CDH4: variants seen among roughly 807,000 people sequenced by gnomAD.
CDH4 encodes cadherin 4.
A neutral mutation model predicts 86.0 loss-of-function variants in CDH4; 33 were observed. The ratio of observed to expected loss-of-function variants is 0.38; its 90% confidence interval spans 0.29 to 0.51. The LOEUF (loss-of-function observed/expected upper bound fraction) is 0.51, where lower values mean the gene tolerates loss of function less well. CDH4 is among the 20% of genes least tolerant of loss of function. CDH4 has a pLI of 0.86. For missense variants in CDH4, 1,114 were observed against 1,307.4 expected (o/e 0.85, Z 2.28); for synonymous variants, 555 against 549.4 (o/e 1.01, Z -0.14).
intron 2 of CDH4, among the ~76,000 whole-genome samples, chr20:61,266,356 G>A (rs2084158173): frequency 6.6e-6 from 1 of 152,098 alleles, no homozygotes; most frequent in African/African-American, 2.4e-5. Flanking sequence ...GGAGAAGGCA[G>A]AGGAGAAAGG....
intron 2 of CDH4, among the ~76,000 whole-genome samples, chr20:61,340,475 C>T (rs564115111): frequency 6.6e-6 from 1 of 152,294 alleles, no homozygotes; most frequent in African/African-American, 2.4e-5. Context: ...CTTGGACTTT[C>T]CAAATAGGAT....
intron 2 of CDH4, among the ~76,000 whole-genome samples, chr20:61,296,353 G>T (rs2084354706): frequency 6.6e-6 from 1 of 151,538 alleles, no homozygotes; most frequent in Non-Finnish European, 1.5e-5. Flanking sequence ...GAGAGAGATC[G>T]ATCTACTACC....
At chr20:61,449,379 C>T (rs372122187) in intron 2 of CDH4, among the ~76,000 whole-genome samples, 34 of 152,338 alleles carry the variant, frequency 2.2e-4, no homozygotes, top group African/African-American at 6.7e-4. Flanking sequence ...AAGCTCTGTG[C>T]AAAGGCTAGC....
At chr20:61,741,800 A>C (rs1396756969) in intron 2 of CDH4, among the ~76,000 whole-genome samples, 1 of 152,070 alleles carries the variant, frequency 6.6e-6, no homozygotes, top group African/African-American at 2.4e-5. Flanking sequence ...AGCCTCCCAA[A>C]GTGCTGAGAT....
At chr20:61,786,337 G>T (rs1019107928) in intron 4 of CDH4, among the ~76,000 whole-genome samples, 1 of 152,080 alleles carries the variant, frequency 6.6e-6, no homozygotes, top group Non-Finnish European at 1.5e-5. Context: ...AGATGAACAC[G>T]ATCGCCCTGC....
intron 2 of CDH4, among the ~76,000 whole-genome samples, chr20:61,365,937 G>C (rs1414829242): frequency 3.9e-5 from 6 of 152,196 alleles, no homozygotes; most frequent in Admixed American, 3.9e-4. Context: ...CCTTTCTAAA[G>C]AGGATGCATG....
At chr20:61,593,869 T>TC (rs1232195771) in intron 2 of CDH4, among the ~76,000 whole-genome samples, 1 of 150,332 alleles carries the variant, frequency 6.7e-6, no homozygotes, top group Non-Finnish European at 1.5e-5. Flanking sequence ...TCACCAAGGG[T>TC]CCCCCCAGCA....
intron 2 of CDH4, among the ~76,000 whole-genome samples, chr20:61,688,963 T>C (rs989001407): frequency 6.6e-6 from 1 of 152,216 alleles, no homozygotes; most frequent in Non-Finnish European, 1.5e-5. Context: ...GTATCCTGTA[T>C]TTTATTCTTT....
chr20:61,649,574 C>T (rs914483310), intron 2 of CDH4, among the ~76,000 whole-genome samples: 3 of 152,252 alleles, frequency 2.0e-5, no homozygotes, highest in Non-Finnish European at 2.9e-5. Flanking sequence ...TCAAGGAGCC[C>T]GGCACTGATG....
chr20:61,755,457 A>T (rs552299510), intron 3 of CDH4, among the ~76,000 whole-genome samples: 29 of 137,840 alleles, frequency 2.1e-4, no homozygotes, highest in Admixed American at 1.3e-3. Flanking sequence ...CACCCCGTAC[A>T]CACCACACAC....
chr20:61,303,878 TG>T (rs1222517477), intron 2 of CDH4, among the ~76,000 whole-genome samples: 1 of 152,198 alleles, frequency 6.6e-6, no homozygotes, highest in Non-Finnish European at 1.5e-5. Flanking sequence ...GGAGGTCCGA[TG>T]GGCACGGTGC....
chr20:61,332,437 A>G (rs2084587680), intron 2 of CDH4, among the ~76,000 whole-genome samples: 1 of 152,162 alleles, frequency 6.6e-6, no homozygotes, highest in Non-Finnish European at 1.5e-5. Flanking sequence ...GTGATCCCAG[A>G]AGGCCCACAG....
intron 2 of CDH4, among the ~76,000 whole-genome samples, chr20:61,724,253 C>A (rs534506093): frequency 6.6e-6 from 1 of 152,172 alleles, no homozygotes; most frequent in African/African-American, 2.4e-5. Context: ...CACTGCCCTG[C>A]CCCTGCTTCA....
At chr20:61,932,685 C>A (rs762824696) in intron 13 of CDH4, among the ~76,000 whole-genome samples, 9 of 152,178 alleles carry the variant, frequency 5.9e-5, no homozygotes, top group Non-Finnish European at 1.3e-4. Flanking sequence ...GCATGAAGCA[C>A]CTACATCCAC....
chr20:61,265,273 A>G (rs566202757), intron 2 of CDH4, among the ~76,000 whole-genome samples: 1 of 149,786 alleles, frequency 6.7e-6, no homozygotes, highest in African/African-American at 2.5e-5. Flanking sequence ...ATTCAGTCCT[A>G]CACGTACCTC....
chr20:61,826,243 C>T (rs1274983929), intron 4 of CDH4, among the ~76,000 whole-genome samples: 2 of 152,326 alleles, frequency 1.3e-5, no homozygotes, highest in South Asian at 4.1e-4. Context: ...ACTCCCATTT[C>T]CTATGAACTT....
chr20:61,297,296 G>T (rs1178576711), intron 2 of CDH4, among the ~76,000 whole-genome samples: 1 of 152,208 alleles, frequency 6.6e-6, no homozygotes, highest in East Asian at 1.9e-4. Context: ...TGAGGCAGGA[G>T]AATCGCTTGA....
chr20:61,856,940 C>T (rs771962909), intron 6 of CDH4, among the ~76,000 whole-genome samples: 54 of 152,238 alleles, frequency 3.5e-4, no homozygotes, highest in Non-Finnish European at 6.0e-4. Flanking sequence ...TCTCCCCGGC[C>T]GGTTTTCAAC....
chr20:61,298,569 G>T (rs1412017901), intron 2 of CDH4, among the ~76,000 whole-genome samples: 3 of 152,060 alleles, frequency 2.0e-5, no homozygotes, highest in African/African-American at 4.8e-5. Flanking sequence ...GTACCCTGAG[G>T]CCCTGGGACT....
Sources: allele counts gnomAD v4.1 joint callset (sites outside exome capture counted in the v4.1 genomes callset), GRCh38; gene constraint gnomAD v4.1.1; transcripts MANE v1.5; gene names NCBI Gene and HGNC (gene_info 2026-07-23, HGNC 2026-07-21).